Variants in PDE7B observed in about 807,000 individuals in gnomAD.
The protein encoded by PDE7B is phosphodiesterase 7B.
In PDE7B, 29 loss-of-function variants were observed where a neutral mutation model predicts 56.2. The observed-to-expected ratio is 0.52, with a 90% CI of 0.38 to 0.70. The LOEUF (loss-of-function observed/expected upper bound fraction) is 0.70, where lower values mean the gene tolerates loss of function less well. Among genes scored for constraint, PDE7B ranks in the 30% least tolerant of loss-of-function variants. The pLI, the probability that PDE7B is intolerant of heterozygous loss-of-function variation, is 0.00. For synonymous variants in PDE7B, 197 were observed against 196.9 expected, an observed-to-expected ratio of 1.00 and a Z score of 0.00; for missense variants, 490 against 565.0, an observed-to-expected ratio of 0.87 and a Z score of 1.35.
intron 1 of PDE7B, among the ~76,000 whole-genome samples, chr6:135,906,810 G>GTTTTTTTTTTTTTTTTTTT (rs869049424): frequency 1.3e-4 from 8 of 59,540 alleles, no homozygotes; most frequent in African/African-American, 3.5e-4. Flanking sequence ...AATGAGGTTT[G>GTTTTTTTTTTTTTTTTTTT]TTTTTTTTTT....
chr6:136,076,448 G>C (rs1777130087), intron 2 of PDE7B, among the ~76,000 whole-genome samples: 1 of 152,120 alleles, frequency 6.6e-6, no homozygotes, highest in African/African-American at 2.4e-5. Context: ...ACTCTAGGCT[G>C]GGCAACAGAG....
chr6:136,003,687 C>A (rs943109168), intron 2 of PDE7B, among the ~76,000 whole-genome samples: 35 of 152,278 alleles, frequency 2.3e-4, no homozygotes, highest in African/African-American at 5.1e-4. Flanking sequence ...CAATAACAGG[C>A]TCTGAAATTG....
intron 2 of PDE7B, among the ~76,000 whole-genome samples, chr6:135,997,303 A>G (rs1389237666): frequency 1.3e-5 from 2 of 151,180 alleles, no homozygotes; most frequent in Admixed American, 6.6e-5. Context: ...AGTCCCAACT[A>G]CTAGGGAGGC....
At chr6:135,890,587 C>T (rs371957419) in intron 1 of PDE7B, among the ~76,000 whole-genome samples, 225 of 152,224 alleles carry the variant, frequency 1.5e-3, no homozygotes, top group African/African-American at 5.1e-3. Flanking sequence ...CATAAACTCT[C>T]CAAGGAGTCT....
intron 2 of PDE7B, among the ~76,000 whole-genome samples, chr6:136,071,026 G>A (rs1056033711): frequency 1.3e-5 from 2 of 152,176 alleles, no homozygotes; most frequent in Middle Eastern, 3.4e-3. Context: ...CCTTTCCCAA[G>A]TATTCCAAAC....
At chr6:135,991,708 T>G (rs1406133377) in intron 2 of PDE7B, among the ~76,000 whole-genome samples, 1 of 152,202 alleles carries the variant, frequency 6.6e-6, no homozygotes, top group African/African-American at 2.4e-5. Flanking sequence ...AAAAAATTGC[T>G]TTTTAAGTGT....
chr6:136,011,412 CATT>C (rs1344944937), intron 2 of PDE7B, among the ~76,000 whole-genome samples: 2 of 152,148 alleles, frequency 1.3e-5, no homozygotes, highest in African/African-American at 4.8e-5. Context: ...TTATTTGAAA[CATT>C]ATAGAATCTA....
At chr6:136,068,722 T>C (rs1035414614) in intron 2 of PDE7B, among the ~76,000 whole-genome samples, 7 of 152,232 alleles carry the variant, frequency 4.6e-5, no homozygotes, top group Admixed American at 2.6e-4. Context: ...TGAGCCACCG[T>C]GCCCGGCCTT....
chr6:135,866,166 C>T (rs1447441062), intron 1 of PDE7B, among the ~76,000 whole-genome samples: 3 of 152,118 alleles, frequency 2.0e-5, no homozygotes, highest in Admixed American at 6.6e-5. Context: ...AAATCTTCCT[C>T]TTCCTCTCAC....
chr6:135,993,043 C>T (rs547690114), intron 2 of PDE7B: 17 of 152,318 alleles, frequency 1.1e-4, no homozygotes, highest in African/African-American at 2.6e-4. Flanking sequence ...CCTATCATCA[C>T]GCCCAGTTGT....
chr6:136,065,941 G>T (rs995436976), intron 2 of PDE7B, among the ~76,000 whole-genome samples: 1 of 152,172 alleles, frequency 6.6e-6, no homozygotes, highest in Non-Finnish European at 1.5e-5. Context: ...GATCTTCAGA[G>T]TTCTAACTGG....
At chr6:135,910,974 A>G (rs528049077) in intron 1 of PDE7B, among the ~76,000 whole-genome samples, 2 of 152,344 alleles carry the variant, frequency 1.3e-5, no homozygotes, top group East Asian at 3.9e-4. Context: ...ACTAAGAAGG[A>G]GTTTAAAAAA....
chr6:135,874,544 C>T (rs1012602010), intron 1 of PDE7B, among the ~76,000 whole-genome samples: 4 of 152,026 alleles, frequency 2.6e-5, no homozygotes, highest in East Asian at 1.9e-4. Context: ...AAGGAGATTG[C>T]GGTCTTTTAT....
At chr6:135,989,248 G>A (rs542804392) in intron 2 of PDE7B, among the ~76,000 whole-genome samples, 2 of 152,334 alleles carry the variant, frequency 1.3e-5, no homozygotes, top group Non-Finnish European at 2.9e-5. Flanking sequence ...GGGCAGGACA[G>A]TATCTATTTT....
chr6:135,979,927 T>A (rs1775264459), intron 2 of PDE7B, among the ~76,000 whole-genome samples: 1 of 152,152 alleles, frequency 6.6e-6, no homozygotes, highest in Non-Finnish European at 1.5e-5. Context: ...CTTCACAGAA[T>A]TTGAAAAAAC....
Position 136,173,784 on chromosome 6 carries a change from T to C in PDE7B, c.712-13T>C, listed in dbSNP as rs1778931749. 7 of 1,560,768 alleles carry C rather than the reference T, an allele frequency of 4.5e-6. No individual in the cohort carries two copies. Among genetic ancestry groups the C allele is most frequent in the Non-Finnish European group, 6.2e-6 (7 of 1,132,736 alleles). ...TCCCTCTCATTTATAACTCTTATTT[T>C]CTTTCTTTCTAGAATATGTCTGTGC... On this transcript the variant is annotated splice_polypyrimidine_tract_variant and intron_variant, in intron 8 of 12. Coordinates refer to ENST00000308191, the MANE Select transcript of PDE7B (RefSeq NM_018945.4).
At chr6:136,148,981 G>A in intron 4 of PDE7B, 106 bp from the exon 5 acceptor site, 4 of 770,826 alleles carry the variant, frequency 5.2e-6, no homozygotes, top group Non-Finnish European at 9.2e-6. Context: ...ATGGTAGTAT[G>A]CTAGGATTTT....
chr6:135,934,825 ATAAATAAATATATATATTTATT>A (rs1246721208), intron 1 of PDE7B, among the ~76,000 whole-genome samples: 53 of 68,900 alleles, frequency 7.7e-4, no homozygotes, highest in African/African-American at 1.9e-3. Context: ...TATATATTTA[ATAAATAAATATATATATTTATT>A]TAAATAAATA....
At chr6:136,026,459 A>G (rs1429235141) in intron 2 of PDE7B, among the ~76,000 whole-genome samples, 1 of 152,242 alleles carries the variant, frequency 6.6e-6, no homozygotes, top group South Asian at 2.1e-4. Flanking sequence ...GAACAGCTAT[A>G]GAAAAAGGTG....
Sources: gnomAD v4.1 joint callset for allele counts (sites outside exome capture counted in the v4.1 genomes callset) on GRCh38, gnomAD v4.1.1 for gene constraint, MANE v1.5 for transcripts, NCBI Gene and HGNC (gene_info 2026-07-23, HGNC 2026-07-21) for gene names.